PHACTR3: variants seen among roughly 807,000 people sequenced by gnomAD.
PHACTR3 encodes the protein protein phosphatase 1, regulatory subunit 123.
A neutral mutation model predicts 66.8 loss-of-function variants in PHACTR3; 16 were observed. The observed-to-expected ratio is 0.24, with a 90% CI of 0.16 to 0.36. The LOEUF (loss-of-function observed/expected upper bound fraction) is 0.36. PHACTR3 is among the 10% of genes least tolerant of loss of function. The probability of loss-of-function intolerance (pLI) is 1.00; values close to 1 mark genes in which losing one functional copy is unlikely to be tolerated. For synonymous variants in PHACTR3, 323 were observed against 292.1 expected (o/e 1.11, Z -1.08); for missense variants, 647 against 719.9 (o/e 0.90, Z 1.16).
chr20:59,821,960 AATCCTACCCTTTCTGCAGCG>A (rs1377300296), intron 8 of PHACTR3, among the ~76,000 whole-genome samples: 15 of 125,040 alleles, frequency 1.2e-4, no homozygotes, highest in African/African-American at 3.3e-4. Flanking sequence ...CCTCCCCAGC[AATCCTACCCTTTCTGCAGCG>A]ATCCCACCCC....
chr20:59,642,645 G>A (rs760551587), intron 1 of PHACTR3, among the ~76,000 whole-genome samples: 1 of 152,280 alleles, frequency 6.6e-6, no homozygotes, highest in South Asian at 2.1e-4. Flanking sequence ...AACTGAGTCT[G>A]GCTTGAGGCT....
chr20:59,834,808 A>G (rs2042479694), intron 8 of PHACTR3, among the ~76,000 whole-genome samples: 1 of 152,128 alleles, frequency 6.6e-6, no homozygotes, highest in African/African-American at 2.4e-5. Context: ...GATTTTGTTC[A>G]TTTGTCTGCC....
intron 1 of PHACTR3, among the ~76,000 whole-genome samples, chr20:59,682,925 G>C (rs1013124202): frequency 3.9e-5 from 6 of 152,274 alleles, no homozygotes; most frequent in Middle Eastern, 3.4e-3. Flanking sequence ...GACGGGTCGG[G>C]GGGGACATTG....
chr20:59,707,414 G>GAGT (rs2037747303), intron 1 of PHACTR3, among the ~76,000 whole-genome samples: 1 of 151,170 alleles, frequency 6.6e-6, no homozygotes, highest in Non-Finnish European at 1.5e-5. Flanking sequence ...GGTAGCTAAA[G>GAGT]AGTCTGGGGC....
At chr20:59,655,398 T>A (rs1157956577) in intron 1 of PHACTR3, among the ~76,000 whole-genome samples, 1 of 152,018 alleles carries the variant, frequency 6.6e-6, no homozygotes, top group African/African-American at 2.4e-5. Context: ...GTCTTTGGCT[T>A]TCTAGGAGTT....
At chr20:59,648,343 GA>G (rs2035353680) in intron 1 of PHACTR3, among the ~76,000 whole-genome samples, 1 of 152,208 alleles carries the variant, frequency 6.6e-6, no homozygotes, top group South Asian at 2.1e-4. Context: ...AAAGCTGTAG[GA>G]ATCATATCTT....
intron 1 of PHACTR3, among the ~76,000 whole-genome samples, chr20:59,716,829 C>G (rs6070922): frequency 0.052 from 7,878 of 152,278 alleles, 269 homozygotes; most frequent in Non-Finnish European, 0.08. Flanking sequence ...ACCAGGCACA[C>G]AGTAGGTGCT....
intron 1 of PHACTR3, among the ~76,000 whole-genome samples, chr20:59,606,521 G>C (rs1372417714): frequency 6.6e-6 from 1 of 151,554 alleles, no homozygotes; most frequent in African/African-American, 2.4e-5. Context: ...CTTTTACTAG[G>C]AATGGGGGAT....
Position 59,589,088 on chromosome 20 carries a change from C to A in PHACTR3, c.109+11471C>A, listed in dbSNP as rs79625197. 1.4e-4 allele frequency among the ~76,000 whole-genome samples: 21 copies of A among 152,330 alleles called. 1 individual carries two copies. In the East Asian group the frequency reaches 4.1e-3, roughly 29 times the overall value. ...CCCCCAAAGTAGCAATTGAAAAGAA[C>A]CAGCAGGGTCCGTGACCGCAAACTG... is the stretch of plus-strand genomic sequence containing the variant. On this transcript the variant is annotated intron_variant, in intron 1 of 12. Coordinates refer to the PHACTR3 transcript ENST00000359926.
At chr20:59,722,027 G>A (rs1286967623) in intron 1 of PHACTR3, among the ~76,000 whole-genome samples, 3 of 152,074 alleles carry the variant, frequency 2.0e-5, no homozygotes, top group South Asian at 2.1e-4. Context: ...TCAGGAGATC[G>A]AGACCATCCT....
At chr20:59,757,319 C>G (rs1299227722) in intron 4 of PHACTR3, among the ~76,000 whole-genome samples, 1 of 152,258 alleles carries the variant, frequency 6.6e-6, no homozygotes, top group Non-Finnish European at 1.5e-5. Context: ...CTCCCGCTCT[C>G]TCTCCAGATG....
intron 7 of PHACTR3, among the ~76,000 whole-genome samples, chr20:59,784,433 C>T (rs1270819720): frequency 6.6e-6 from 1 of 151,916 alleles, no homozygotes; most frequent in Non-Finnish European, 1.5e-5. Flanking sequence ...TCTGGAGAGC[C>T]CTGACCCAAA....
At chr20:59,687,796 A>G (rs569665013) in intron 1 of PHACTR3, among the ~76,000 whole-genome samples, 1 of 152,266 alleles carries the variant, frequency 6.6e-6, no homozygotes, top group South Asian at 2.1e-4. Context: ...GCACCGTAGC[A>G]GGACACTGTG....
intron 1 of PHACTR3, among the ~76,000 whole-genome samples, chr20:59,659,400 G>A (rs2035737724): frequency 8.6e-6 from 1 of 115,972 alleles, no homozygotes; most frequent in Non-Finnish European, 1.6e-5. Context: ...TTTTGAGACA[G>A]TCTCGCTCTG....
At chr20:59,755,651 G>A (rs967951024) in intron 4 of PHACTR3, among the ~76,000 whole-genome samples, 7 of 152,118 alleles carry the variant, frequency 4.6e-5, no homozygotes, top group Non-Finnish European at 1.0e-4. Flanking sequence ...GGGCGTCTTT[G>A]TGTTTCCCTG....
chr20:59,761,903 C>T (rs543738535), intron 4 of PHACTR3, among the ~76,000 whole-genome samples: 4 of 152,322 alleles, frequency 2.6e-5, no homozygotes, highest in African/African-American at 7.2e-5. Flanking sequence ...CCCAAGGGAG[C>T]GGTCCCCCAA....
rs528358572 is a variant in PHACTR3 at position 59,830,061 on chromosome 20, G to A, written c.1329-6444G>A. On this transcript the variant is annotated intron_variant, in intron 8 of 12. Transcript: ENST00000371015. The surrounding 1 kb of genome is among the most constrained non-coding windows in gnomAD (Gnocchi z 5.8). ...CAGCTGAGCAGTGTGTGCAGAGGAC[G>A]ATTCAGAAACTGGTACAAACTTGGC... 1.2e-4 allele frequency among the ~76,000 whole-genome samples: 18 copies of A among 152,212 alleles called. No individual in the cohort carries two copies. The highest frequency in any genetic ancestry group is 3.6e-4 in the African/African-American group (15 of 41,452).
intron 7 of PHACTR3, among the ~76,000 whole-genome samples, chr20:59,788,452 C>G (rs1012102411): frequency 6.6e-6 from 1 of 152,082 alleles, no homozygotes; most frequent in Admixed American, 6.5e-5. Context: ...CATTAACCTC[C>G]AACCCTGCTC....
At chr20:59,597,875 G>A (rs1251683591) in intron 1 of PHACTR3, among the ~76,000 whole-genome samples, 1 of 152,354 alleles carries the variant, frequency 6.6e-6, no homozygotes, top group Middle Eastern at 3.4e-3. Context: ...ACTGCAAACT[G>A]CACCTGCAAT....
Sources: allele counts gnomAD v4.1 joint callset (sites outside exome capture counted in the v4.1 genomes callset), GRCh38; gene constraint gnomAD v4.1.1; non-coding constraint Gnocchi (gnomAD v3.1); transcripts MANE v1.5; gene names NCBI Gene and HGNC (gene_info 2026-07-23, HGNC 2026-07-21).